TPR: variants seen among roughly 807,000 people sequenced by gnomAD.
TPR encodes the protein translocated promoter region, nuclear basket protein, also known as nucleoprotein TPR.
TPR carries 51 observed loss-of-function variants against 316.1 expected under a neutral mutation model. That is an observed-to-expected ratio of 0.16 (90% CI 0.13 to 0.20). The LOEUF (loss-of-function observed/expected upper bound fraction) is 0.20. Ranked by LOEUF, TPR falls within the 10% of genes least tolerant of loss-of-function variation. The pLI, the probability that TPR is intolerant of heterozygous loss-of-function variation, is 1.00. For synonymous variants in TPR, 981 were observed against 914.7 expected (o/e 1.07, Z -1.31); for missense variants, 2,272 against 2,754.8 (o/e 0.82, Z 3.92).
At position 186,361,575 on chromosome 1, in the gene TPR, AAG is replaced by A. The variant is rs773243378; in HGVS notation, c.958+45_958+46del. On this transcript the variant is annotated intron_variant, in intron 9 of 50. Transcript: ENST00000367478. ...TACAAAACAAGGGTAAAAAAAAAAA[AAG>A]AGTACAATAACAAAAATAATGTTCC... 6 of 1,576,482 alleles carry A rather than the reference AAG, an allele frequency of 3.8e-6. No individual in the cohort carries two copies. The South Asian group carries it at 6.8e-5, about 18-fold the overall frequency.
At chr1:186,344,652 AC>A (rs1558013415) in intron 24 of TPR, 74 bp from the exon 25 acceptor site, 1 of 1,115,118 alleles carries the variant, frequency 9.0e-7, no homozygotes, top group African/African-American at 1.6e-5. Flanking sequence ...GTCCAAAGAT[AC>A]ACATTGGACT....
rs1349668335 is a variant in TPR at position 186,312,633 on chromosome 1, T to C, written c.*1338A>G. 2 of 964,794 alleles carry C rather than the reference T, an allele frequency of 2.1e-6. No homozygotes were observed. The highest frequency in any genetic ancestry group is 3.2e-5 in the African/African-American group (2 of 61,636). 59.8% of individuals were successfully genotyped at this position (964,794 alleles called of 1,614,324 possible). Reference sequence around the variant, plus strand: ...ATCAAGTACTTCTTACCAAGAACATTATATACCAGTCTATAACCCTCAATA... The same window carrying C: ...ATCAAGTACTTCTTACCAAGAACATCATATACCAGTCTATAACCCTCAATA... On this transcript the variant is annotated 3_prime_UTR_variant, in exon 51 of 51. Transcript: ENST00000367478.
chr1:186,362,566 C>G lies in TPR; in HGVS notation c.697-186G>C, dbSNP rs181371224. On this transcript the variant is annotated intron_variant, in intron 6 of 50. Transcript: ENST00000367478. Reference sequence around the variant, plus strand: ...CAGAACAATGTTTAGATTTAGCTCACAAAAACTTACCACCACTTCTTAAAC... The same window carrying G: ...CAGAACAATGTTTAGATTTAGCTCAGAAAAACTTACCACCACTTCTTAAAC... Among the ~76,000 whole-genome samples, 23 of 152,076 alleles carry G rather than the reference C, an allele frequency of 1.5e-4. No homozygotes were observed. In the East Asian group the frequency reaches 4.2e-3, roughly 28 times the overall value.
chr1:186,363,968 C>G (rs1242323796), intron 4 of TPR, among the ~76,000 whole-genome samples: 1 of 152,136 alleles, frequency 6.6e-6, no homozygotes, highest in Non-Finnish European at 1.5e-5. Flanking sequence ...ATAGCCACCT[C>G]CTGATACTAC....
chr1:186,314,652 C>A lies in TPR; in HGVS notation c.7013G>T (p.Gly2338Val). 6.2e-7 allele frequency: 1 copy of A among 1,612,256 alleles called. No individual in the cohort carries two copies. The highest frequency in any genetic ancestry group is 8.5e-7 in the Non-Finnish European group (1 of 1,178,948). The stretch of plus-strand genomic sequence containing the variant: ...ACCTCTCTGTCTGTTAAACTGACGA[C>A]CACGGACACCTTGTCTCAATGTTGT... ...LQTTLRQGVR[G>V]RQFNRQRGVS... is the part of the protein sequence containing the mutation. The change falls in exon 50 of 51, where the codon GGT (glycine) becomes GTT (valine). Residue 2338 changes from glycine (G) to valine (V), a missense_variant. Physicochemically the swap from Gly to Val is moderately radical, Grantham distance 109. Around this residue, in one of 10 missense-constraint regions of TPR, gnomAD observed 123 missense variants for 142.3 expected, o/e 0.86. Coordinates refer to ENST00000367478, the MANE Select transcript of TPR (RefSeq NM_003292.3).
At chr1:186,330,698 C>A (rs148688454) in intron 39 of TPR, among the ~76,000 whole-genome samples, 3 of 152,154 alleles carry the variant, frequency 2.0e-5, no homozygotes, top group Non-Finnish European at 2.9e-5. Flanking sequence ...CACCTTTGGT[C>A]CACGCTGGAG....
rs1320796789 is a variant in TPR, at chr1:186,343,948, C to T, written c.3560G>A (p.Ser1187Asn). The T allele has an allele frequency of 3.1e-6, 5 of 1,613,658 alleles. No individual in the cohort carries two copies. The highest frequency in any genetic ancestry group is 1.7e-5 in the Admixed American group (1 of 59,920). Residue 1187 changes from serine to asparagine, a missense_variant, in exon 26 of 51, where the codon AGT becomes AAT. By Grantham distance (46) the Ser-to-Asn change is conservative. Coordinates refer to ENST00000367478, the MANE Select transcript of TPR (RefSeq NM_003292.3). Reference sequence around the variant, plus strand: ...TTGTTCTTGAGATTTTCCTTCTTCACTGAGAGATACATTCAGTGGACCTTG... The same window carrying T: ...TTGTTCTTGAGATTTTCCTTCTTCATTGAGAGATACATTCAGTGGACCTTG... ...GVQGPLNVSL[S>N]EEGKSQEQIL...
intron 36 of TPR, 50 bp downstream of exon 36, chr1:186,334,275 A>C (rs1658273141): frequency 1.3e-6 from 2 of 1,497,750 alleles, no homozygotes; most frequent in Non-Finnish European, 1.8e-6. Context: ...TCATCTTCTC[A>C]TAATAAATCT....
chr1:186,319,512 C>T (rs1344483533), intron 46 of TPR, among the ~76,000 whole-genome samples: 1 of 152,168 alleles, frequency 6.6e-6, no homozygotes, highest in African/African-American at 2.4e-5. Flanking sequence ...GTCTAGGAAA[C>T]TGTATTAACA....
chr1:186,360,931 T>C (rs1158586856), intron 9 of TPR, 26 bp from the exon 10 acceptor site: 3 of 1,601,588 alleles, frequency 1.9e-6, no homozygotes, highest in Non-Finnish European at 2.6e-6. Flanking sequence ...AAAGACCAAA[T>C]ATTCAAACAT....
chr1:186,358,538 C>G lies in TPR; in HGVS notation c.1497+5G>C, dbSNP rs1659093045. 3 of 1,602,714 alleles carry G rather than the reference C, an allele frequency of 1.9e-6. No individual in the cohort carries two copies. The highest frequency in any genetic ancestry group is 2.3e-5 in the South Asian group (2 of 88,512). ...AAGTAGGAAAACAAACAAAAAAATT[C>G]TAACCTGTTGTGAAAGATCTTTTAC... On this transcript the variant is annotated splice_donor_5th_base_variant and intron_variant, in intron 13 of 50. Coordinates refer to ENST00000367478, the MANE Select transcript of TPR (RefSeq NM_003292.3).
Position 186,312,943 on chromosome 1 carries a change from A to C in TPR, c.*1028T>G. 6.4e-7 allele frequency: 1 copy of C among 1,567,412 alleles called. No homozygotes were observed. Among genetic ancestry groups the C allele is most frequent in the Non-Finnish European group, 8.8e-7 (1 of 1,138,146 alleles). On this transcript the variant is annotated 3_prime_UTR_variant, in exon 51 of 51. Transcript: ENST00000367478. ...CCAAGGAGGTGATATCATTTGTGAA[A>C]ACATGAAGATAAAGTAAAAATGCTG...
In TPR at chr1:186,332,190, C is replaced by T. The variant is rs201532001; in HGVS notation, c.5604+5G>A. On this transcript the variant is annotated splice_donor_5th_base_variant and intron_variant, in intron 38 of 50. Transcript: ENST00000367478. ...GTTAAAATACACAGAAAGAACTTTA[C>T]GCACCTCAGTTCCTACAGGTGTGAC... 1.8e-4 allele frequency: 289 copies of T among 1,601,202 alleles called. No homozygotes were observed. In the African/African-American group the frequency reaches 2.9e-3, roughly 16 times the overall value.
chr1:186,355,877 T>C lies in TPR; in HGVS notation c.1889-109A>G, dbSNP rs529928023. 1.1e-4 allele frequency: 144 copies of C among 1,311,224 alleles called. No homozygotes were observed. Among genetic ancestry groups the C allele is most frequent in the Middle Eastern group, 1.9e-4 (1 of 5,140 alleles). The allele number at this position is 1,311,224 out of a possible 1,614,324, so 81.2% of individuals were successfully genotyped here. A position where few individuals can be genotyped will look rare whatever the true frequency, so the allele number is the denominator to read the frequency against. ...TTATCAAATAAACAAGCTAAACTTA[T>C]TGAAATGAAACAATAAGATTATAGG... On this transcript the variant is annotated intron_variant, in intron 15 of 50. Transcript: ENST00000367478.
chr1:186,347,183 G>C, intron 22 of TPR, 109 bp downstream of exon 22: 1 of 1,179,576 alleles, frequency 8.5e-7, no homozygotes, highest in Non-Finnish European at 1.2e-6. Flanking sequence ...TAAAGGCAAT[G>C]ACCCTGGTCT....
At chr1:186,315,364 A>G (rs1657578858) in intron 49 of TPR, among the ~76,000 whole-genome samples, 1 of 152,186 alleles carries the variant, frequency 6.6e-6, no homozygotes, top group Non-Finnish European at 1.5e-5. Context: ...AACAGAAAAC[A>G]AAATATCAAG....
intron 23 of TPR, 141 bp downstream of exon 23, chr1:186,345,994 G>T: frequency 1.2e-6 from 1 of 861,500 alleles, no homozygotes; most frequent in Non-Finnish European, 1.7e-6. Context: ...GTACAGAAAA[G>T]AGTAAAACAT....
rs755903151 is a variant in TPR at position 186,314,009 on chromosome 1, CCATTGCATGGCTCA to C, written c.7040_7053del (p.Val2347GlyfsTer12). The C allele has an allele frequency of 6.2e-7, 1 of 1,611,600 alleles. No homozygotes were observed. The highest frequency in any genetic ancestry group is 1.3e-5 in the African/African-American group (1 of 75,012). On this transcript the variant is annotated frameshift_variant, in exon 51 of 51. Transcript: ENST00000367478. LOFTEE classifies it high-confidence loss of function. ...CCTCTGTTTATTCCTCCTCTCCCTC[CCATTGCATGGCTCA>C]CACCTGTAAAAGAAAAAAGAATCAA... is the stretch of plus-strand genomic sequence containing the variant.
At chr1:186,358,170 A>G (rs1311749930) in intron 13 of TPR, among the ~76,000 whole-genome samples, 1 of 152,168 alleles carries the variant, frequency 6.6e-6, no homozygotes, top group African/African-American at 2.4e-5. Context: ...ATTCTTACAT[A>G]TGTTTATATA....
Sources: allele counts gnomAD v4.1 joint callset (sites outside exome capture counted in the v4.1 genomes callset), GRCh38; gene constraint gnomAD v4.1.1; regional missense constraint gnomAD v4.1.1; transcripts MANE v1.5; gene names NCBI Gene and HGNC (gene_info 2026-07-23, HGNC 2026-07-21).